Variants in PLBD1 observed in about 807,000 individuals in gnomAD.
The protein encoded by PLBD1 is phospholipase B domain containing 1, also known as lysosomal leucine aminopeptidase.
Under a neutral mutation model 63.0 loss-of-function variants are expected in PLBD1, and 60 were observed. That is an observed-to-expected ratio of 0.95 (90% CI 0.77 to 1.18). The LOEUF (loss-of-function observed/expected upper bound fraction) is 1.18, where lower values mean the gene tolerates loss of function less well. Ranked by LOEUF, PLBD1 falls within the 50% of genes most tolerant of loss-of-function variation. The probability of loss-of-function intolerance (pLI) is 0.00; values close to 1 mark genes in which losing one functional copy is unlikely to be tolerated. For missense variants in PLBD1, 598 were observed against 677.9 expected (o/e 0.88, Z 1.31); for synonymous variants, 262 against 248.0 (o/e 1.06, Z -0.53).
At position 14,513,894 on chromosome 12, in the gene PLBD1, C is replaced by T. The variant is rs549625128; in HGVS notation, c.845-2183G>A. ...TCCTGGGTTCACGCCATTCTCCTGC[C>T]TCAGCCTCCCAAGTAGCTGGGACTA... On this transcript the variant is annotated intron_variant, in intron 6 of 10. Coordinates refer to ENST00000240617, the MANE Select transcript of PLBD1 (RefSeq NM_024829.6). 1.8e-4 allele frequency among the ~76,000 whole-genome samples: 27 copies of T among 152,172 alleles called. No individual in the cohort carries two copies. In the South Asian group the frequency reaches 5.6e-3, roughly 32 times the overall value.
chr12:14,545,251 A>G (rs1326670195), intron 2 of PLBD1, among the ~76,000 whole-genome samples: 1 of 152,064 alleles, frequency 6.6e-6, no homozygotes, highest in African/African-American at 2.4e-5. Context: ...CACCAACACT[A>G]TTTTGTGGCC....
chr12:14,522,223 T>C (rs1378726101), intron 6 of PLBD1, among the ~76,000 whole-genome samples: 1 of 152,134 alleles, frequency 6.6e-6, no homozygotes, highest in Non-Finnish European at 1.5e-5. Context: ...TTGAGAGAGA[T>C]ATAGAGAACT....
In PLBD1 at chr12:14,503,764, T is replaced by G. The variant is rs759583885; in HGVS notation, c.*8A>C. On this transcript the variant is annotated 3_prime_UTR_variant, in exon 11 of 11. Coordinates refer to ENST00000240617, the MANE Select transcript of PLBD1 (RefSeq NM_024829.6). ...ATTTACAGTCTTCTAGTCCGTCATC[T>G]CCCTCCTTCATTTTATATCAAGTTT... 1.9e-6 allele frequency: 3 copies of G among 1,609,276 alleles called. No individual in the cohort carries two copies. In the South Asian group the frequency reaches 3.3e-5, roughly 18 times the overall value.
chr12:14,540,953 A>G, intron 3 of PLBD1, 51 bp from the exon 4 acceptor site: 1 of 1,504,862 alleles, frequency 6.6e-7, no homozygotes, highest in Non-Finnish European at 9.0e-7. Flanking sequence ...GCTCATTCAA[A>G]GCTAAATCAA....
intron 6 of PLBD1, among the ~76,000 whole-genome samples, chr12:14,525,692 C>T (rs1228916031): frequency 1.0e-4 from 14 of 134,152 alleles, no homozygotes; most frequent in African/African-American, 4.4e-4. Context: ...AACACACACA[C>T]ACACACACAC....
At chr12:14,538,537 A>G (rs1307090353) in intron 4 of PLBD1, among the ~76,000 whole-genome samples, 1 of 152,178 alleles carries the variant, frequency 6.6e-6, no homozygotes, top group Non-Finnish European at 1.5e-5. Flanking sequence ...CGGATGTATT[A>G]TAATATTTTT....
At chr12:14,541,357 T>C (rs564866065) in intron 3 of PLBD1, among the ~76,000 whole-genome samples, 6 of 152,266 alleles carry the variant, frequency 3.9e-5, no homozygotes, top group Non-Finnish European at 8.8e-5. Flanking sequence ...TCTCAGATCA[T>C]TTGCATAGCT....
chr12:14,516,044 A>G (rs754733741), intron 6 of PLBD1, among the ~76,000 whole-genome samples: 1 of 151,728 alleles, frequency 6.6e-6, no homozygotes, highest in East Asian at 1.9e-4. Context: ...CTCAAAAAAA[A>G]ACAAGGCCGG....
chr12:14,542,281 C>A lies in PLBD1; in HGVS notation c.346G>T (p.Asp116Tyr). 1 of 1,603,962 alleles carries A rather than the reference C, an allele frequency of 6.2e-7. No individual in the cohort carries two copies. Among genetic ancestry groups the A allele is most frequent in the Non-Finnish European group, 8.5e-7 (1 of 1,171,090 alleles). Residue 116 changes from aspartate (D) to tyrosine (Y), a missense_variant, in exon 3 of 11, where the codon GAC becomes TAC. Transcript: ENST00000240617. ...EGYLTAPHMN[D>Y]HYTNLYPQLI... The stretch of plus-strand genomic sequence containing the variant: ...TGTGGGTAGAGGTTTGTGTAGTGGT[C>A]ATTCATGTGTCTGAAATGATACATG...
intron 1 of PLBD1, among the ~76,000 whole-genome samples, chr12:14,566,825 G>A (rs1183653165): frequency 1.3e-5 from 2 of 151,044 alleles, no homozygotes; most frequent in Non-Finnish European, 2.9e-5. Flanking sequence ...GCCGGGCGCG[G>A]TGGCTCATGC....
At chr12:14,513,937 G>A (rs554690905) in intron 6 of PLBD1, among the ~76,000 whole-genome samples, 3 of 152,014 alleles carry the variant, frequency 2.0e-5, no homozygotes, top group South Asian at 2.1e-4. Flanking sequence ...CCGCCACCAC[G>A]CCCTGCTAAT....
At chr12:14,534,204 T>C (rs114883051) in intron 6 of PLBD1, among the ~76,000 whole-genome samples, 2,554 of 152,212 alleles carry the variant, frequency 0.017, 74 homozygotes, top group African/African-American at 0.057. Context: ...CAAAGGTAGA[T>C]AGATATGACA....
At chr12:14,531,643 G>T (rs1396485666) in intron 6 of PLBD1, among the ~76,000 whole-genome samples, 2 of 152,078 alleles carry the variant, frequency 1.3e-5, no homozygotes, top group African/African-American at 4.8e-5. Context: ...CTTTGTTGTT[G>T]TTCTTGAGAC....
intron 4 of PLBD1, among the ~76,000 whole-genome samples, chr12:14,537,178 T>C (rs1414398939): frequency 6.6e-6 from 1 of 152,042 alleles, no homozygotes; most frequent in Non-Finnish European, 1.5e-5. Context: ...TATAAAATAA[T>C]TGTTATGGCT....
intron 1 of PLBD1, among the ~76,000 whole-genome samples, chr12:14,559,719 T>A (rs1945731661): frequency 6.6e-6 from 1 of 152,176 alleles, no homozygotes; most frequent in South Asian, 2.1e-4. Context: ...GAATCTTATT[T>A]ATAAAAAGTA....
chr12:14,522,393 G>A (rs962985470), intron 6 of PLBD1, among the ~76,000 whole-genome samples: 11 of 152,154 alleles, frequency 7.2e-5, no homozygotes, highest in South Asian at 6.2e-4. Flanking sequence ...AAGAAAAGCC[G>A]AAGACCCAAT....
chr12:14,564,274 T>C (rs1022317407), intron 1 of PLBD1, among the ~76,000 whole-genome samples: 1 of 152,180 alleles, frequency 6.6e-6, no homozygotes, highest in Admixed American at 6.5e-5. Flanking sequence ...CAGTCATAGG[T>C]CTGCCAAATC....
At chr12:14,562,800 A>AC in intron 1 of PLBD1, among the ~76,000 whole-genome samples, 1 of 152,340 alleles carries the variant, frequency 6.6e-6, no homozygotes, top group African/African-American at 2.4e-5. Flanking sequence ...CATGAAGGGT[A>AC]CCACTACCTC....
intron 1 of PLBD1, among the ~76,000 whole-genome samples, chr12:14,563,977 G>A (rs191759190): frequency 2.0e-4 from 31 of 152,332 alleles, no homozygotes; most frequent in Admixed American, 1.0e-3. Flanking sequence ...AGTGGCGGTC[G>A]CCTGAACCCC....
Sources: gnomAD v4.1 joint callset for allele counts (sites outside exome capture counted in the v4.1 genomes callset) on GRCh38, gnomAD v4.1.1 for gene constraint, MANE v1.5 for transcripts, NCBI Gene and HGNC (gene_info 2026-07-23, HGNC 2026-07-21) for gene names.